Variants in MCM9 observed in about 807,000 individuals in gnomAD.
The protein encoded by MCM9 is DNA helicase MCM9.
A neutral mutation model predicts 72.8 loss-of-function variants in MCM9; 55 were observed. The ratio of observed to expected loss-of-function variants is 0.76; its 90% confidence interval spans 0.61 to 0.95. The LOEUF is 0.95. MCM9 is among the 40% of genes least tolerant of loss of function. MCM9 has a pLI of 0.00. For missense variants in MCM9, 1,279 were observed against 1,377.0 expected, an observed-to-expected ratio of 0.93 and a Z score of 1.13; for synonymous variants, 480 against 503.4, an observed-to-expected ratio of 0.95 and a Z score of 0.62.
chr6:118,864,654 T>C (rs1232325750), intron 8 of MCM9, among the ~76,000 whole-genome samples: 3 of 152,114 alleles, frequency 2.0e-5, no homozygotes, highest in African/African-American at 7.2e-5. Flanking sequence ...GACTCCCTAA[T>C]ATCAAGCTTC....
chr6:118,824,687 A>G (rs1774050824), intron 13 of MCM9, among the ~76,000 whole-genome samples: 1 of 152,234 alleles, frequency 6.6e-6, no homozygotes, highest in Non-Finnish European at 1.5e-5. Context: ...GTAAAGCATG[A>G]TAAAACTATA....
rs540021167 is a variant in MCM9, at chr6:118,841,164, A to G, written c.1326-11914T>C. On this transcript the variant is annotated intron_variant, in intron 9 of 13. Coordinates refer to ENST00000619706, the MANE Select transcript of MCM9 (RefSeq NM_017696.3). ...AGGGGAATAGGAAAGAGGAAAAGGT[A>G]AAAGTATTGACCATATAAATAATCT... 3.9e-5 allele frequency among the ~76,000 whole-genome samples: 6 copies of G among 152,370 alleles called. No individual in the cohort carries two copies. In the East Asian group the frequency reaches 7.7e-4, roughly 20 times the overall value.
intron 1 of MCM9, among the ~76,000 whole-genome samples, chr6:118,933,903 A>T (rs751817950): frequency 7.4e-5 from 11 of 148,392 alleles, no homozygotes; most frequent in South Asian, 2.2e-4. Context: ...ATATAAATTC[A>T]GCCAAGTGTA....
At chr6:118,827,330 G>C (rs1382084626) in intron 11 of MCM9, among the ~76,000 whole-genome samples, 1 of 151,936 alleles carries the variant, frequency 6.6e-6, no homozygotes, top group Non-Finnish European at 1.5e-5. Context: ...AAGTCCATTT[G>C]TTTTACAGTA....
chr6:118,888,992 T>G (rs1778781909), intron 8 of MCM9, among the ~76,000 whole-genome samples: 1 of 152,114 alleles, frequency 6.6e-6, no homozygotes, highest in African/African-American at 2.4e-5. Flanking sequence ...TACTCTAAAA[T>G]TGATTGTGAT....
chr6:118,822,483 C>T (rs1773882588), intron 13 of MCM9, among the ~76,000 whole-genome samples: 1 of 152,190 alleles, frequency 6.6e-6, no homozygotes, highest in Non-Finnish European at 1.5e-5. Flanking sequence ...CTGCTCCTTC[C>T]TCTGGAAGCT....
chr6:118,916,669 T>C (rs1043882620), intron 6 of MCM9, among the ~76,000 whole-genome samples: 2 of 151,424 alleles, frequency 1.3e-5, no homozygotes, highest in Non-Finnish European at 2.9e-5. Context: ...ACCTGGCTAA[T>C]TTTTGTATTT....
intron 9 of MCM9, among the ~76,000 whole-genome samples, chr6:118,841,981 C>T (rs1775404707): frequency 6.6e-6 from 1 of 152,062 alleles, no homozygotes; most frequent in Non-Finnish European, 1.5e-5. Flanking sequence ...ACTACAGGCA[C>T]ATGCCACCAC....
At chr6:118,900,408 G>C (rs1779729273) in intron 8 of MCM9, among the ~76,000 whole-genome samples, 1 of 152,188 alleles carries the variant, frequency 6.6e-6, no homozygotes, top group South Asian at 2.1e-4. Flanking sequence ...GGAAGTGCTG[G>C]ATTAATGTTA....
chr6:118,842,486 GCA>G (rs1463416900), intron 9 of MCM9, among the ~76,000 whole-genome samples: 2 of 152,110 alleles, frequency 1.3e-5, no homozygotes, highest in Admixed American at 6.5e-5. Context: ...GCACTGATTT[GCA>G]CAGTTTAAAA....
chr6:118,931,809 T>C (rs911435868), intron 2 of MCM9, 71 bp from the exon 3 acceptor site: 9 of 1,209,702 alleles, frequency 7.4e-6, no homozygotes, highest in South Asian at 1.6e-5. Context: ...ACAAAAACGA[T>C]TGGTTATAAA....
chr6:118,827,961 A>AAT lies in MCM9; in HGVS notation c.1696_1697dup (p.Arg567PhefsTer7). The AAT allele has an allele frequency of 6.4e-7, 1 of 1,551,014 alleles. No individual in the cohort carries two copies. Among genetic ancestry groups the AAT allele is most frequent in the Non-Finnish European group, 8.7e-7 (1 of 1,147,092 alleles). On this transcript the variant is annotated frameshift_variant, in exon 11 of 14. Transcript: ENST00000619706. LOFTEE classifies it high-confidence loss of function. Reference sequence around the variant, plus strand: ...ATCGTATCAAGCTTTCCAACAGCCGAATGGTGGTCCGGGCAGCGTTCCGGC... The same window carrying AAT: ...ATCGTATCAAGCTTTCCAACAGCCGAATATGGTGGTCCGGGCAGCGTTCCGGC...
At chr6:118,894,962 C>A (rs1199505019) in intron 8 of MCM9, among the ~76,000 whole-genome samples, 1 of 152,128 alleles carries the variant, frequency 6.6e-6, no homozygotes, top group African/African-American at 2.4e-5. Context: ...CATCTTACCC[C>A]GAGTCGAGAA....
intron 8 of MCM9, among the ~76,000 whole-genome samples, chr6:118,887,502 G>A (rs1036134660): frequency 1.3e-5 from 2 of 152,048 alleles, no homozygotes; most frequent in Non-Finnish European, 2.9e-5. Flanking sequence ...CCAAATGTAA[G>A]GTGCTAAAAG....
At chr6:118,882,380 G>T (rs550613943) in intron 8 of MCM9, among the ~76,000 whole-genome samples, 1 of 152,282 alleles carries the variant, frequency 6.6e-6, no homozygotes, top group South Asian at 2.1e-4. Context: ...GGAGATTTTG[G>T]TAGCAAGTAA....
chr6:118,815,685 C>T lies in MCM9; in HGVS notation c.2571G>A (p.Gln857=), dbSNP rs555916388. The stretch of plus-strand genomic sequence containing the variant: ...CCCTGGTGCTATTTCTGCACAACTT[C>T]TGGGCCCTCTCTTTGCACAGCTTCT... ...NLQKLCKERA[Q]KLCRNSTRVP... The change falls in exon 14 of 14, where the codon CAG becomes CAA. Residue 857 remains glutamine, a synonymous_variant. Coordinates refer to ENST00000619706, the MANE Select transcript of MCM9 (RefSeq NM_017696.3). 1 of 1,549,080 alleles carries T rather than the reference C, an allele frequency of 6.5e-7. No homozygotes were observed. Among genetic ancestry groups the T allele is most frequent in the South Asian group, 1.2e-5 (1 of 83,894 alleles).
At chr6:118,895,631 T>G (rs1434739597) in intron 8 of MCM9, among the ~76,000 whole-genome samples, 4 of 152,126 alleles carry the variant, frequency 2.6e-5, no homozygotes, top group Non-Finnish European at 5.9e-5. Flanking sequence ...AAATACGTAT[T>G]TTTAATATCT....
At chr6:118,931,953 C>T (rs779319962) in intron 2 of MCM9, among the ~76,000 whole-genome samples, 20 of 152,280 alleles carry the variant, frequency 1.3e-4, no homozygotes, top group Non-Finnish European at 2.5e-4. Context: ...AGTCAAAGAA[C>T]TATGTTGGTA....
intron 8 of MCM9, among the ~76,000 whole-genome samples, chr6:118,860,935 G>A (rs978178311): frequency 6.6e-5 from 10 of 152,144 alleles, no homozygotes; most frequent in Admixed American, 1.3e-4. Context: ...TGGAGGTGCC[G>A]CTGCATGAGT....
Sources: allele counts gnomAD v4.1 joint callset (sites outside exome capture counted in the v4.1 genomes callset), GRCh38; gene constraint gnomAD v4.1.1; transcripts MANE v1.5; gene names NCBI Gene and HGNC (gene_info 2026-07-23, HGNC 2026-07-21).